Variants in USP34 observed in about 807,000 individuals in gnomAD.
USP34 encodes ubiquitin carboxyl-terminal hydrolase 34.
Under a neutral mutation model 460.3 loss-of-function variants are expected in USP34, and 70 were observed. The observed-to-expected ratio is 0.15, with a 90% CI of 0.13 to 0.19. The LOEUF is 0.19. Ranked by LOEUF, USP34 falls within the 10% of genes least tolerant of loss-of-function variation. USP34 has a pLI of 1.00. For missense variants in USP34, 3,985 were observed against 4,236.2 expected (o/e 0.94, Z 1.65); for synonymous variants, 1,647 against 1,405.3 (o/e 1.17, Z -3.85).
intron 61 of USP34, among the ~76,000 whole-genome samples, chr2:61,228,198 G>T (rs1182627284): frequency 6.6e-6 from 1 of 152,192 alleles, no homozygotes; most frequent in Non-Finnish European, 1.5e-5. Flanking sequence ...CTGAAAAAGA[G>T]TGCAAGTAGA....
intron 20 of USP34, among the ~76,000 whole-genome samples, chr2:61,328,073 C>T (rs1026336109): frequency 2.6e-5 from 4 of 151,912 alleles, no homozygotes; most frequent in Non-Finnish European, 5.9e-5. Context: ...GAGGCGGAGG[C>T]GGGTGGATCG....
chr2:61,245,980 G>GT (rs2103869396), intron 50 of USP34, among the ~76,000 whole-genome samples: 1 of 152,248 alleles, frequency 6.6e-6, no homozygotes, highest in East Asian at 1.9e-4. Flanking sequence ...GAGCATGCAG[G>GT]TAACTTCTAA....
intron 48 of USP34, among the ~76,000 whole-genome samples, chr2:61,254,132 C>CT (rs1688659946): frequency 6.6e-6 from 1 of 152,234 alleles, no homozygotes; most frequent in East Asian, 1.9e-4. Flanking sequence ...CATCACTAAA[C>CT]TACCTTCTGG....
intron 2 of USP34, among the ~76,000 whole-genome samples, chr2:61,415,681 T>C (rs902460123): frequency 1.3e-5 from 2 of 152,204 alleles, no homozygotes; most frequent in Non-Finnish European, 2.9e-5. Context: ...GGGACTTTAT[T>C]ATAGGCATTT....
In USP34 at chr2:61,470,651, T is replaced by C. The variant is rs1695929719; in HGVS notation, c.42A>G (p.Glu14=). Residue 14 remains glutamate, a splice_region_variant and synonymous_variant, in exon 1 of 80, where the codon GAA becomes GAG. Coordinates refer to ENST00000398571, the MANE Select transcript of USP34 (RefSeq NM_014709.4). ...NCADLVEVLN[E]ISDVEGGDGL... ...CAGGCCGCTACCGCGGCTACTTACT[T>C]TCATTTAACACCTCCACCAGGTCTG... 2 of 1,589,528 alleles carry C rather than the reference T, an allele frequency of 1.3e-6. No homozygotes were observed. The highest frequency in any genetic ancestry group is 2.2e-5 in the South Asian group (2 of 89,762).
chr2:61,447,155 T>C (rs1365796902), intron 1 of USP34, among the ~76,000 whole-genome samples: 2 of 144,784 alleles, frequency 1.4e-5, no homozygotes, highest in Non-Finnish European at 3.0e-5. Flanking sequence ...CTCGGGAGGC[T>C]GAGGCACCCG....
intron 7 of USP34, among the ~76,000 whole-genome samples, chr2:61,378,851 G>C (rs1052285226): frequency 3.1e-5 from 4 of 128,104 alleles, no homozygotes; most frequent in African/African-American, 1.2e-4. Context: ...GTTGCAGTGA[G>C]CCAAGATCGC....
chr2:61,296,223 G>A (rs1690024498), intron 30 of USP34, among the ~76,000 whole-genome samples: 1 of 151,972 alleles, frequency 6.6e-6, no homozygotes, highest in Non-Finnish European at 1.5e-5. Context: ...CCACACCACT[G>A]TACTCCAGCC....
chr2:61,355,619 C>CAAA (rs1692079608), intron 10 of USP34, among the ~76,000 whole-genome samples: 1 of 151,788 alleles, frequency 6.6e-6, no homozygotes, highest in Non-Finnish European at 1.5e-5. Flanking sequence ...AAAACAACAA[C>CAAA]AACAACAACA....
chr2:61,188,745 A>G (rs1361944807), intron 79 of USP34, 36 bp from the exon 80 acceptor site: 1 of 1,598,770 alleles, frequency 6.3e-7, no homozygotes, highest in Non-Finnish European at 8.5e-7. Context: ...AACTTCTCTG[A>G]AAGTCATTAA....
intron 6 of USP34, among the ~76,000 whole-genome samples, chr2:61,381,214 A>AT (rs1304268210): frequency 1.6e-4 from 23 of 147,180 alleles, no homozygotes; most frequent in South Asian, 4.2e-4. Context: ...AAAAAAAAAA[A>AT]AAATAAATAA....
At chr2:61,244,431 A>G (rs1467547439) in intron 51 of USP34, among the ~76,000 whole-genome samples, 2 of 152,092 alleles carry the variant, frequency 1.3e-5, no homozygotes, top group Non-Finnish European at 2.9e-5. Context: ...CCTGGCCAAC[A>G]TGGTGAAACT....
chr2:61,391,721 G>C (rs1374665667), intron 5 of USP34, among the ~76,000 whole-genome samples: 1 of 152,036 alleles, frequency 6.6e-6, no homozygotes, highest in Non-Finnish European at 1.5e-5. Flanking sequence ...CCCACTAGAG[G>C]AAATTACTAT....
chr2:61,470,660 C>T lies in USP34; in HGVS notation c.33G>A (p.Val11=). MCENCADLVE[V]LNEISDVEGG... ...ACCGCGGCTACTTACTTTCATTTAA[C>T]ACCTCCACCAGGTCTGCGCAGTTCT... The change falls in exon 1 of 80, where the codon GTG becomes GTA. Residue 11 remains valine, a synonymous_variant. Coordinates refer to ENST00000398571, the MANE Select transcript of USP34 (RefSeq NM_014709.4). The T allele has an allele frequency of 2.5e-6, 4 of 1,596,308 alleles. No homozygotes were observed. The highest frequency in any genetic ancestry group is 2.2e-5 in the South Asian group (2 of 89,830).
chr2:61,429,409 T>C (rs1338373936), intron 1 of USP34, among the ~76,000 whole-genome samples: 1 of 152,074 alleles, frequency 6.6e-6, no homozygotes, highest in Non-Finnish European at 1.5e-5. Context: ...ATTGCACCAC[T>C]GCACTCCAGC....
intron 27 of USP34, among the ~76,000 whole-genome samples, chr2:61,303,421 C>T (rs1217552190): frequency 6.6e-6 from 1 of 152,032 alleles, no homozygotes; most frequent in Non-Finnish European, 1.5e-5. Flanking sequence ...GTGTCCTATT[C>T]ATCATGTTGC....
chr2:61,333,741 G>A, intron 19 of USP34, 141 bp downstream of exon 19: 1 of 487,492 alleles, frequency 2.1e-6, no homozygotes, highest in Admixed American at 4.0e-5. Context: ...GTAAGTGGCA[G>A]AAAAATCTAA....
At chr2:61,193,389 A>AAAC (rs397984741) in intron 75 of USP34, 3 of 148,880 alleles carry the variant, frequency 2.0e-5, no homozygotes, top group African/African-American at 5.0e-5. Context: ...AAAAAAAAAA[A>AAAC]GTGGAGAATT....
In USP34 at chr2:61,228,725, C is replaced by A. The variant is rs1001844517; in HGVS notation, c.7369-6G>T. On this transcript the variant is annotated splice_polypyrimidine_tract_variant and splice_region_variant and intron_variant, in intron 60 of 79. Transcript: ENST00000398571. ...AATGAAAGCAAAAATTGGCTCTAAA[C>A]AAACAAACAAACAAAATTTAAAAAT... 3 of 1,597,872 alleles carry A rather than the reference C, an allele frequency of 1.9e-6. No homozygotes were observed. Among genetic ancestry groups the A allele is most frequent in the Admixed American group, 3.5e-5 (2 of 57,062 alleles).
Sources: allele counts gnomAD v4.1 joint callset (sites outside exome capture counted in the v4.1 genomes callset), GRCh38; gene constraint gnomAD v4.1.1; transcripts MANE v1.5; gene names NCBI Gene and HGNC (gene_info 2026-07-23, HGNC 2026-07-21).